Variants in ADH7 observed in about 807,000 individuals in gnomAD.
ADH7 encodes all-trans-retinol dehydrogenase [NAD(+)] ADH7.
In ADH7, 41 loss-of-function variants were observed where a neutral mutation model predicts 34.4. The ratio of observed to expected loss-of-function variants is 1.19; its 90% CI spans 0.93 to 1.55. The LOEUF (loss-of-function observed/expected upper bound fraction) is 1.55, where lower values mean the gene tolerates loss of function less well. Among genes scored for constraint, ADH7 ranks in the 40% most tolerant of loss-of-function variants. The probability of loss-of-function intolerance (pLI) is 0.00; values close to 1 mark genes in which losing one functional copy is unlikely to be tolerated. For synonymous variants in ADH7, 180 were observed against 160.9 expected (o/e 1.12, Z -0.90); for missense variants, 540 against 461.2 (o/e 1.17, Z -1.56).
At chr4:99,429,781 A>T (rs543345264) in intron 1 of ADH7, 148 bp from the exon 2 acceptor site, 1 of 592,928 alleles carries the variant, frequency 1.7e-6, no homozygotes, top group East Asian at 2.9e-5. Flanking sequence ...TATAAGCCTT[A>T]TAAATCATCT....
chr4:99,429,642 T>C lies in ADH7; in HGVS notation c.19-9A>G, dbSNP rs1721896052. Reference sequence around the variant, plus strand: ...GCTTTGCATTTAATAACCTAAGAAATAGGCAAGTATTATAATGGGTCTGAA... The same window carrying C: ...GCTTTGCATTTAATAACCTAAGAAACAGGCAAGTATTATAATGGGTCTGAA... On this transcript the variant is annotated splice_polypyrimidine_tract_variant and intron_variant, in intron 1 of 8. Coordinates refer to ENST00000437033, the MANE Select transcript of ADH7 (RefSeq NM_000673.7). 3 of 1,595,238 alleles carry C rather than the reference T, an allele frequency of 1.9e-6. No homozygotes were observed. Among genetic ancestry groups the C allele is most frequent in the African/African-American group, 1.3e-5 (1 of 74,692 alleles).
intron 5 of ADH7, among the ~76,000 whole-genome samples, chr4:99,425,524 T>C (rs913703558): frequency 8.5e-5 from 13 of 152,126 alleles, no homozygotes; most frequent in African/African-American, 2.4e-4. Flanking sequence ...CCTAAATATA[T>C]ATGCACCCAA....
rs141729668 is a variant in ADH7, at chr4:99,419,033, G to A, written c.914C>T (p.Pro305Leu). The change falls in exon 7 of 9, where the codon CCG (proline) becomes CTG (leucine). Residue 305 changes from proline (P) to leucine (L), a missense_variant. Pro to Leu is a moderately conservative substitution (Grantham distance 98). Transcript: ENST00000437033. Reference sequence around the variant, plus strand: ...TGTGCGTCCAGTGAAGAGCAACATCGGGTCATAGGTGAGCATCTTGGCTGA... The same window carrying A: ...TGTGCGTCCAGTGAAGAGCAACATCAGGTCATAGGTGAGCATCTTGGCTGA... ...PPSAKMLTYD[P>L]MLLFTGRTWK... is the part of the protein sequence containing the mutation. The A allele has an allele frequency of 9.3e-6, 15 of 1,613,674 alleles. No homozygotes were observed. The highest frequency in any genetic ancestry group is 1.7e-5 in the Admixed American group (1 of 59,926).
intron 5 of ADH7, among the ~76,000 whole-genome samples, chr4:99,423,131 GT>G (rs1285410366): frequency 4.0e-5 from 6 of 149,090 alleles, no homozygotes; most frequent in African/African-American, 7.4e-5. Context: ...TGCGGTGTTT[GT>G]TTTTTTGTCC....
chr4:99,419,231 C>T, intron 6 of ADH7, 110 bp from the exon 7 acceptor site: 1 of 1,335,448 alleles, frequency 7.5e-7, no homozygotes, highest in Non-Finnish European at 1.0e-6. Flanking sequence ...AATTAAGCCA[C>T]CTTGTTTTTT....
chr4:99,421,281 T>C (rs1021159715), intron 5 of ADH7, among the ~76,000 whole-genome samples: 5 of 152,268 alleles, frequency 3.3e-5, no homozygotes, highest in Admixed American at 2.0e-4. Flanking sequence ...AAAAACAGCA[T>C]GGTACTGGTA....
intron 1 of ADH7, among the ~76,000 whole-genome samples, chr4:99,433,409 A>T (rs1367559020): frequency 6.6e-6 from 1 of 152,192 alleles, no homozygotes; most frequent in Non-Finnish European, 1.5e-5. Flanking sequence ...AAGGAAACAC[A>T]CACACAAAAA....
intron 5 of ADH7, 55 bp from the exon 6 acceptor site, chr4:99,420,848 C>G: frequency 6.4e-7 from 1 of 1,551,272 alleles, no homozygotes. Context: ...AAAGTGAAAC[C>G]TGAAAAGGGC....
intron 5 of ADH7, among the ~76,000 whole-genome samples, chr4:99,424,558 G>A (rs969578666): frequency 2.6e-5 from 4 of 152,178 alleles, no homozygotes; most frequent in Non-Finnish European, 4.4e-5. Context: ...ATTTCCTTGA[G>A]CAGTGGTTTG....
intron 5 of ADH7, among the ~76,000 whole-genome samples, chr4:99,421,169 C>T (rs555603281): frequency 6.6e-6 from 1 of 152,206 alleles, no homozygotes; most frequent in South Asian, 2.1e-4. Context: ...TCATCTAGAA[C>T]CAAAAAAGAG....
In ADH7 at chr4:99,428,569, T is replaced by C. The variant is rs1464469225; in HGVS notation, c.182A>G (p.Lys61Arg). The change falls in exon 3 of 9, where the codon AAG (lysine) becomes AGG (arginine). Residue 61 changes from lysine to arginine, a missense_variant. Coordinates refer to ENST00000437033, the MANE Select transcript of ADH7 (RefSeq NM_000673.7). ...CTCATGTCCCACAATCACTGGAAAC[T>C]TGGACACCATTGTTCCTTTTATCAC... is the stretch of plus-strand genomic sequence containing the variant. ...DHVIKGTMVS[K>R]FPVIVGHEAT... The C allele has an allele frequency of 6.2e-7, 1 of 1,614,002 alleles. No homozygotes were observed. Among genetic ancestry groups the C allele is most frequent in the Non-Finnish European group, 8.5e-7 (1 of 1,179,900 alleles).
chr4:99,428,746 T>G (rs1721874831), intron 2 of ADH7, 116 bp from the exon 3 acceptor site: 1 of 1,306,102 alleles, frequency 7.7e-7, no homozygotes, highest in East Asian at 2.4e-5. Flanking sequence ...TTGCCTAATA[T>G]AACAACATTT....
intron 8 of ADH7, among the ~76,000 whole-genome samples, chr4:99,413,394 C>A (rs1164075825): frequency 6.6e-6 from 1 of 152,058 alleles, no homozygotes; most frequent in Non-Finnish European, 1.5e-5. Flanking sequence ...TTCAGTATGC[C>A]AACAAGAGGG....
intron 7 of ADH7, among the ~76,000 whole-genome samples, chr4:99,416,830 G>A (rs1440108680): frequency 6.6e-6 from 1 of 151,930 alleles, no homozygotes; most frequent in Non-Finnish European, 1.5e-5. Context: ...AGTGTAACCT[G>A]CCCCAAACCA....
At chr4:99,428,413 T>C in intron 3 of ADH7, 79 bp downstream of exon 3, 1 of 1,488,420 alleles carries the variant, frequency 6.7e-7, no homozygotes, top group Non-Finnish European at 9.1e-7. Context: ...CTCTAATAAT[T>C]CCTAGTGTGT....
intron 1 of ADH7, chr4:99,432,724 G>A (rs1194336618): frequency 1.3e-5 from 2 of 151,854 alleles, no homozygotes; most frequent in Non-Finnish European, 2.9e-5. Flanking sequence ...AAGGACCTAT[G>A]GAAAAAACTG....
rs146620819 is a variant in ADH7 at position 99,432,070 on chromosome 4, C to T, written c.19-2437G>A. On this transcript the variant is annotated intron_variant, in intron 1 of 8. Coordinates refer to ENST00000437033, the MANE Select transcript of ADH7 (RefSeq NM_000673.7). ...AGCAAAGACATGGAATCAACCTAAG[C>T]GCCCATTAATGCTAGACTAGATAAA... 1.4e-3 allele frequency among the ~76,000 whole-genome samples: 218 copies of T among 152,122 alleles called. 1 individual carries two copies. The highest frequency in any genetic ancestry group is 3.4e-3 in the Middle Eastern group (1 of 294).
At chr4:99,424,553 C>A (rs370457023) in intron 5 of ADH7, among the ~76,000 whole-genome samples, 4 of 152,004 alleles carry the variant, frequency 2.6e-5, no homozygotes, top group African/African-American at 7.3e-5. Flanking sequence ...CTTTTATTTC[C>A]TTGAGCAGTG....
At chr4:99,429,709 G>GCTCTTCTGTTCATATTT in intron 1 of ADH7, 76 bp from the exon 2 acceptor site, 2 of 935,890 alleles carry the variant, frequency 2.1e-6, no homozygotes, top group Non-Finnish European at 3.2e-6. Context: ...GTATAAATAT[G>GCTCTTCTGTTCATATTT]AACAGAAGAG....
Sources: allele counts gnomAD v4.1 joint callset (sites outside exome capture counted in the v4.1 genomes callset), GRCh38; gene constraint gnomAD v4.1.1; transcripts MANE v1.5; gene names NCBI Gene and HGNC (gene_info 2026-07-23, HGNC 2026-07-21).